DPP10: variants seen among roughly 807,000 people sequenced by gnomAD.
DPP10 encodes inactive dipeptidyl peptidase 10.
Under a neutral mutation model 120.9 loss-of-function variants are expected in DPP10, and 33 were observed. The observed-to-expected ratio is 0.27, with a 90% CI of 0.21 to 0.37. The LOEUF is 0.37. DPP10 is among the 10% of genes least tolerant of loss of function. The probability of loss-of-function intolerance (pLI) is 1.00; values close to 1 mark genes in which losing one functional copy is unlikely to be tolerated. For synonymous variants in DPP10, 337 were observed against 326.1 expected, an observed-to-expected ratio of 1.03 and a Z score of -0.36; for missense variants, 816 against 942.8, an observed-to-expected ratio of 0.87 and a Z score of 1.76.
chr2:114,613,735 G>T (rs785042), intron 1 of DPP10, among the ~76,000 whole-genome samples: 121,977 of 152,090 alleles, frequency 0.8, 49,738 homozygotes, highest in African/African-American at 0.95. Context: ...CCATCAATGA[G>T]AGACTGGATA....
chr2:115,663,262 A>G (rs1417300631), intron 5 of DPP10, among the ~76,000 whole-genome samples: 1 of 152,168 alleles, frequency 6.6e-6, no homozygotes, highest in Non-Finnish European at 1.5e-5. Context: ...TATATTTCAT[A>G]TTTAAAAGAT....
At chr2:114,707,152 G>A (rs1263092520) in intron 1 of DPP10, 3 of 152,088 alleles carry the variant, frequency 2.0e-5, no homozygotes, top group African/African-American at 7.2e-5. Context: ...ATTAAATGGA[G>A]TTATGACTAT....
intron 5 of DPP10, among the ~76,000 whole-genome samples, chr2:115,573,781 C>A (rs1358557228): frequency 1.3e-5 from 2 of 151,986 alleles, no homozygotes; most frequent in South Asian, 2.1e-4. Flanking sequence ...TCTTGAACTC[C>A]TGTCCTCAAC....
intron 2 of DPP10, among the ~76,000 whole-genome samples, chr2:115,314,725 T>C (rs1286639665): frequency 6.6e-6 from 1 of 152,180 alleles, no homozygotes; most frequent in Non-Finnish European, 1.5e-5. Context: ...ACAGTGATGT[T>C]GATGATTAGA....
intron 1 of DPP10, among the ~76,000 whole-genome samples, chr2:115,188,935 A>G (rs74654057): frequency 0.023 from 3,473 of 152,324 alleles, 83 homozygotes; most frequent in Non-Finnish European, 0.035. Flanking sequence ...GTATTGTTGC[A>G]CATCTATACA....
chr2:115,574,881 G>T (rs567954933), intron 5 of DPP10, among the ~76,000 whole-genome samples: 1 of 152,270 alleles, frequency 6.6e-6, no homozygotes, highest in African/African-American at 2.4e-5. Context: ...TTTACCTGCT[G>T]TGCCAGACCC....
intron 1 of DPP10, among the ~76,000 whole-genome samples, chr2:114,755,736 G>A (rs116122323): frequency 5.1e-4 from 77 of 152,264 alleles, no homozygotes; most frequent in Middle Eastern, 3.4e-3. Flanking sequence ...GAAGGCCCAG[G>A]CAAAGAAGAA....
intron 21 of DPP10, among the ~76,000 whole-genome samples, chr2:115,832,768 A>T (rs1689063645): frequency 6.6e-6 from 1 of 152,002 alleles, no homozygotes; most frequent in African/African-American, 2.4e-5. Flanking sequence ...TTCTCCACAG[A>T]TTGTGATTGA....
chr2:115,503,311 G>A (rs933791549), intron 4 of DPP10, among the ~76,000 whole-genome samples: 19 of 152,240 alleles, frequency 1.2e-4, no homozygotes, highest in South Asian at 2.1e-4. Flanking sequence ...TGTCATCCTA[G>A]TGTTTTTCAT....
chr2:115,490,148 C>T (rs986688448), intron 3 of DPP10, among the ~76,000 whole-genome samples: 2 of 152,030 alleles, frequency 1.3e-5, no homozygotes, highest in African/African-American at 4.8e-5. Context: ...TTAGCCTGTT[C>T]TCATGGTGGT....
chr2:114,672,942 A>C (rs1169525044), intron 1 of DPP10, among the ~76,000 whole-genome samples: 3 of 152,124 alleles, frequency 2.0e-5, no homozygotes, highest in African/African-American at 7.2e-5. Flanking sequence ...GGAGCATGGC[A>C]TGGTGTCTCC....
At chr2:114,777,520 G>A (rs1471840752) in intron 1 of DPP10, among the ~76,000 whole-genome samples, 2 of 152,028 alleles carry the variant, frequency 1.3e-5, no homozygotes, top group Non-Finnish European at 2.9e-5. Context: ...TATGCCACTT[G>A]TTACAGTCAT....
intron 3 of DPP10, among the ~76,000 whole-genome samples, chr2:115,381,063 G>C (rs2066299000): frequency 6.6e-6 from 1 of 152,044 alleles, no homozygotes; most frequent in Admixed American, 6.6e-5. Flanking sequence ...GTATCTTTGT[G>C]GCATTCTCTG....
chr2:114,802,745 T>C (rs1055954856), intron 1 of DPP10, among the ~76,000 whole-genome samples: 3 of 152,224 alleles, frequency 2.0e-5, no homozygotes, highest in African/African-American at 7.2e-5. Flanking sequence ...ATTAAATCAT[T>C]ATGCTCTCAC....
chr2:115,483,079 G>T (rs964617940), intron 3 of DPP10, among the ~76,000 whole-genome samples: 1 of 151,936 alleles, frequency 6.6e-6, no homozygotes, highest in African/African-American at 2.4e-5. Flanking sequence ...ATGGTTAATG[G>T]TAGTATCTGA....
intron 1 of DPP10, among the ~76,000 whole-genome samples, chr2:114,969,637 C>T (rs1699261234): frequency 6.6e-6 from 1 of 152,162 alleles, no homozygotes; most frequent in African/African-American, 2.4e-5. Context: ...CCCTTTCCAG[C>T]ATTCCTGTAG....
chr2:114,696,204 G>A (rs867869055), intron 1 of DPP10, among the ~76,000 whole-genome samples: 5 of 151,986 alleles, frequency 3.3e-5, no homozygotes, highest in Non-Finnish European at 7.4e-5. Context: ...TTCCATCAAT[G>A]TCTTGCTCCT....
At chr2:115,748,828 T>TAAA (rs1452716724) in intron 10 of DPP10, among the ~76,000 whole-genome samples, 1 of 152,182 alleles carries the variant, frequency 6.6e-6, no homozygotes, top group Non-Finnish European at 1.5e-5. Context: ...CAGAAAGACA[T>TAAA]AATTTCTTCT....
chr2:115,409,608 C>A (rs779219954), intron 3 of DPP10, among the ~76,000 whole-genome samples: 9 of 152,138 alleles, frequency 5.9e-5, no homozygotes, highest in Non-Finnish European at 1.3e-4. Context: ...TATAGAGATT[C>A]TTTAAAGAAC....
Sources: allele counts gnomAD v4.1 joint callset (sites outside exome capture counted in the v4.1 genomes callset), GRCh38; gene constraint gnomAD v4.1.1; transcripts MANE v1.5; gene names NCBI Gene and HGNC (gene_info 2026-07-23, HGNC 2026-07-21).